The following CSMD1 variants were observed in gnomAD, a reference collection of about 807,000 sequenced individuals.
CSMD1 encodes CUB and sushi domain-containing protein 1.
Under a neutral mutation model 417.5 loss-of-function variants are expected in CSMD1, and 213 were observed. That is an observed-to-expected ratio of 0.51 (90% CI 0.46 to 0.57). CSMD1 has a LOEUF of 0.57. Ranked by LOEUF, CSMD1 falls within the 20% of genes least tolerant of loss-of-function variation. The pLI is 0.00. For missense variants in CSMD1, 6,923 were observed against 4,529.7 expected (o/e 1.53, Z -15.17); for synonymous variants, 2,862 against 1,736.8 (o/e 1.65, Z -16.11).
At chr8:3,615,742 C>A (rs921060995) in intron 8 of CSMD1, among the ~76,000 whole-genome samples, 1 of 152,142 alleles carries the variant, frequency 6.6e-6, no homozygotes, top group African/African-American at 2.4e-5. Context: ...GCAGCCTTAG[C>A]TCTGTGAACC....
intron 5 of CSMD1, among the ~76,000 whole-genome samples, chr8:3,951,941 G>C (rs1036955937): frequency 1.3e-5 from 2 of 151,776 alleles, no homozygotes; most frequent in Admixed American, 1.3e-4. Flanking sequence ...AATAGATATC[G>C]AATACATAAT....
chr8:4,418,762 G>C (rs535046768), intron 3 of CSMD1, among the ~76,000 whole-genome samples: 7 of 137,486 alleles, frequency 5.1e-5, no homozygotes, highest in Non-Finnish European at 9.2e-5. Flanking sequence ...TCTTCAATTA[G>C]CCTGCTGCTT....
chr8:3,417,656 G>C (rs1277863309), intron 12 of CSMD1, among the ~76,000 whole-genome samples: 1 of 133,706 alleles, frequency 7.5e-6, no homozygotes, highest in East Asian at 2.7e-4. Context: ...TTTCGCTGAA[G>C]AGAGAGTGAG....
At chr8:4,469,111 G>A (rs1442318666) in intron 2 of CSMD1, among the ~76,000 whole-genome samples, 1 of 152,154 alleles carries the variant, frequency 6.6e-6, no homozygotes, top group South Asian at 2.1e-4. Context: ...GTTTGGTGTG[G>A]CCTCCCTGGA....
At chr8:3,108,018 A>C (rs967098697) in intron 44 of CSMD1, among the ~76,000 whole-genome samples, 2 of 152,214 alleles carry the variant, frequency 1.3e-5, no homozygotes, top group Admixed American at 1.3e-4. Context: ...AAAAGTGTAC[A>C]ATTATTTTTT....
At chr8:3,341,556 G>A (rs1041602485) in intron 23 of CSMD1, among the ~76,000 whole-genome samples, 1 of 152,148 alleles carries the variant, frequency 6.6e-6, no homozygotes, top group East Asian at 1.9e-4. Flanking sequence ...CCACAGGAAG[G>A]GAAAAAGTGA....
At chr8:3,119,170 ACT>A (rs1000375740) in intron 41 of CSMD1, among the ~76,000 whole-genome samples, 21 of 151,718 alleles carry the variant, frequency 1.4e-4, no homozygotes, top group African/African-American at 4.6e-4. Context: ...ACAGAGCAAG[ACT>A]CTGTCCCCCG....
chr8:4,417,735 C>T (rs1034210705), intron 3 of CSMD1, among the ~76,000 whole-genome samples: 10 of 151,934 alleles, frequency 6.6e-5, no homozygotes, highest in Admixed American at 3.3e-4. Flanking sequence ...AATTTTGTGA[C>T]TCTAAATCAA....
At chr8:3,129,023 C>A (rs934070649) in intron 41 of CSMD1, 2 of 338,234 alleles carry the variant, frequency 5.9e-6, no homozygotes, top group African/African-American at 2.2e-5. Context: ...GCTTAGCCAA[C>A]CAGATGCTTG....
At chr8:4,525,786 C>A (rs778436759) in intron 2 of CSMD1, among the ~76,000 whole-genome samples, 1 of 152,184 alleles carries the variant, frequency 6.6e-6, no homozygotes, top group Non-Finnish European at 1.5e-5. Flanking sequence ...GCATTCCACA[C>A]AGGGACATGT....
intron 19 of CSMD1, among the ~76,000 whole-genome samples, 161 bp downstream of exon 19, chr8:3,369,093 T>C (rs1234913743): frequency 2.0e-5 from 3 of 152,236 alleles, no homozygotes; most frequent in African/African-American, 7.2e-5. Context: ...GAAAGACTAT[T>C]GTTCTTCCAA....
At chr8:4,668,481 G>A (rs184940169) in intron 1 of CSMD1, among the ~76,000 whole-genome samples, 2 of 147,220 alleles carry the variant, frequency 1.4e-5, no homozygotes, top group East Asian at 4.0e-4. Context: ...ATGGAGTCTC[G>A]CTCTGTCACC....
At chr8:4,482,271 G>A (rs775545712) in intron 2 of CSMD1, among the ~76,000 whole-genome samples, 1 of 152,016 alleles carries the variant, frequency 6.6e-6, no homozygotes, top group Non-Finnish European at 1.5e-5. Flanking sequence ...ATAGCCCCCA[G>A]TGTGTGTTGT....
chr8:3,968,377 C>A (rs1008949419), intron 5 of CSMD1, among the ~76,000 whole-genome samples: 65 of 152,268 alleles, frequency 4.3e-4, no homozygotes, highest in African/African-American at 1.6e-3. Context: ...GGCACCAGCT[C>A]AGTGTGGTCA....
At chr8:3,090,953 T>A (rs770893864) in intron 48 of CSMD1, among the ~76,000 whole-genome samples, 3 of 152,182 alleles carry the variant, frequency 2.0e-5, no homozygotes, top group African/African-American at 4.8e-5. Flanking sequence ...TATAAATCAC[T>A]GCTGGCAGAG....
chr8:4,868,396 G>A (rs1184762328), intron 1 of CSMD1, among the ~76,000 whole-genome samples: 1 of 151,868 alleles, frequency 6.6e-6, no homozygotes, highest in East Asian at 1.9e-4. Context: ...CACTACACCC[G>A]ACTAATTTTT....
intron 49 of CSMD1, among the ~76,000 whole-genome samples, chr8:3,070,988 G>A (rs1008236749): frequency 6.6e-6 from 1 of 152,230 alleles, no homozygotes; most frequent in African/African-American, 2.4e-5. Context: ...GGGGAGACCT[G>A]AGGGAGATTT....
chr8:3,309,921 C>T (rs965840995), intron 23 of CSMD1, among the ~76,000 whole-genome samples: 2 of 152,114 alleles, frequency 1.3e-5, no homozygotes, highest in Non-Finnish European at 2.9e-5. Context: ...AAGAAAATTT[C>T]CTTCCATAAA....
intron 2 of CSMD1, among the ~76,000 whole-genome samples, chr8:4,458,175 C>A (rs956169999): frequency 3.3e-5 from 5 of 152,064 alleles, no homozygotes; most frequent in Non-Finnish European, 5.9e-5. Context: ...GATTAATATA[C>A]TAAATATCAA....
Sources: gnomAD v4.1 joint callset for allele counts (sites outside exome capture counted in the v4.1 genomes callset) on GRCh38, gnomAD v4.1.1 for gene constraint, MANE v1.5 for transcripts, NCBI Gene and HGNC (gene_info 2026-07-23, HGNC 2026-07-21) for gene names.